ZNF462: variants seen among roughly 807,000 people sequenced by gnomAD.
The protein encoded by ZNF462 is zinc finger protein 462.
A neutral mutation model predicts 201.9 loss-of-function variants in ZNF462; 10 were observed. The ratio of observed to expected loss-of-function variants is 0.05; its 90% CI spans 0.03 to 0.08. The LOEUF (loss-of-function observed/expected upper bound fraction) is 0.08, where lower values mean the gene tolerates loss of function less well. Among genes scored for constraint, ZNF462 ranks in the 10% least tolerant of loss-of-function variants. The pLI is 1.00. For missense variants in ZNF462, 2,523 were observed against 3,168.3 expected (o/e 0.80, Z 4.89); for synonymous variants, 1,227 against 1,193.3 (o/e 1.03, Z -0.58).
chr9:106,863,310 G>A lies in ZNF462; in HGVS notation c.-76G>A. Reference sequence around the variant, plus strand: ...AGAGAAAGAGGATAAGGAGGCGGTGGGGCTGGAGAACCCGAAGCACCTCCC... The same window carrying A: ...AGAGAAAGAGGATAAGGAGGCGGTGAGGCTGGAGAACCCGAAGCACCTCCC... On this transcript the variant is annotated 5_prime_UTR_variant, in exon 1 of 13. It introduces an in-frame stop codon into an upstream open reading frame of the 5' UTR. Transcript: ENST00000277225. 1 of 398,584 alleles carries A rather than the reference G, an allele frequency of 2.5e-6. No homozygotes were observed. The highest frequency in any genetic ancestry group is 4.4e-6 in the Non-Finnish European group (1 of 225,952). 24.7% of individuals were successfully genotyped at this position (398,584 alleles called of 1,614,324 possible).
intron 1 of ZNF462, among the ~76,000 whole-genome samples, chr9:106,916,242 T>A (rs1189870725): frequency 6.6e-6 from 1 of 152,186 alleles, no homozygotes; most frequent in Non-Finnish European, 1.5e-5. Context: ...CTGAATCTTG[T>A]GAGGCACGAA....
At chr9:106,959,608 G>A (rs972649937) in intron 7 of ZNF462, among the ~76,000 whole-genome samples, 2 of 152,078 alleles carry the variant, frequency 1.3e-5, no homozygotes, top group Non-Finnish European at 2.9e-5. Flanking sequence ...AAAAGTTGCT[G>A]CAGACCTAGA....
At position 106,913,212 on chromosome 9, in the gene ZNF462, A is replaced by G. The variant is rs755131633; in HGVS notation, c.-30-10142A>G. ...TTGCCAGTGGAGACTTAGAATTACTAGTGTCTCAGTAGTCAGCTAACCACT... is the reference window on the plus strand; with the variant it reads ...TTGCCAGTGGAGACTTAGAATTACTGGTGTCTCAGTAGTCAGCTAACCACT... On this transcript the variant is annotated intron_variant, in intron 1 of 12. Transcript: ENST00000277225. The surrounding 1 kb of genome is among the most constrained non-coding windows in gnomAD (Gnocchi z 4.1). Among the ~76,000 whole-genome samples the G allele has an allele frequency of 2.0e-4, 30 of 152,232 alleles. No individual in the cohort carries two copies. Among genetic ancestry groups the G allele is most frequent in the Non-Finnish European group, 3.8e-4 (26 of 68,028 alleles).
At chr9:106,878,993 A>C (rs1827963276) in intron 1 of ZNF462, among the ~76,000 whole-genome samples, 1 of 152,154 alleles carries the variant, frequency 6.6e-6, no homozygotes, top group Non-Finnish European at 1.5e-5. Context: ...AGTAAAGTTT[A>C]ATGGTTTGGT....
At chr9:106,862,604 C>T (rs1827105634), upstream of ZNF462, among the ~76,000 whole-genome samples, 2 of 152,054 alleles carry the variant, frequency 1.3e-5, no homozygotes, top group African/African-American at 2.4e-5. The surrounding 1 kb of genome is among the most constrained non-coding windows in gnomAD (Gnocchi z 4.2). Flanking sequence ...ACCACCTCCT[C>T]CTCCTCTGCC....
intron 10 of ZNF462, among the ~76,000 whole-genome samples, chr9:106,988,705 C>T (rs978724556): frequency 2.0e-5 from 3 of 152,012 alleles, no homozygotes; most frequent in African/African-American, 4.8e-5. Context: ...GTGTCGTCTA[C>T]GATTTCTTTC....
rs1396872200 is a variant in ZNF462 at position 106,917,847 on chromosome 9, T to A, written c.-30-5507T>A. Among the ~76,000 whole-genome samples, 1 of 148,808 alleles carries A rather than the reference T, an allele frequency of 6.7e-6. No individual in the cohort carries two copies. The highest frequency in any genetic ancestry group is 1.5e-5 in the Non-Finnish European group (1 of 67,592). On this transcript the variant is annotated intron_variant, in intron 1 of 12. Transcript: ENST00000277225. The surrounding 1 kb of genome is among the most constrained non-coding windows in gnomAD (Gnocchi z 4.5). ...TTATTTTGCTGGTTTATTATTTTTTTATATTTATTTATTTATTTATTTATT... is the reference window on the plus strand; with the variant it reads ...TTATTTTGCTGGTTTATTATTTTTTAATATTTATTTATTTATTTATTTATT...
chr9:106,875,197 C>T (rs978519587), intron 1 of ZNF462, among the ~76,000 whole-genome samples: 18 of 152,084 alleles, frequency 1.2e-4, no homozygotes, highest in African/African-American at 4.3e-4. Flanking sequence ...ATCTTTCCCC[C>T]ATCTTAGTAG....
At position 107,010,066 on chromosome 9, in the gene ZNF462, C is replaced by T. The variant is rs1829837185; in HGVS notation, c.7313+398C>T. On this transcript the variant is annotated intron_variant, in intron 12 of 12. Transcript: ENST00000277225. This position sits in a 1 kb window ranked among gnomAD's most constrained non-coding sequence, Gnocchi z 4.6. ...TTCCCTGAGTGGCCCTGAACATTCC[C>T]ATGTACTGCCTCGGGGACAGAGCCA... Among the ~76,000 whole-genome samples, 1 of 152,142 alleles carries T rather than the reference C, an allele frequency of 6.6e-6. No individual in the cohort carries two copies. The highest frequency in any genetic ancestry group is 1.5e-5 in the Non-Finnish European group (1 of 68,012).
At chr9:106,951,601 T>C (rs1247987826) in intron 7 of ZNF462, among the ~76,000 whole-genome samples, 1 of 152,160 alleles carries the variant, frequency 6.6e-6, no homozygotes, top group Non-Finnish European at 1.5e-5. Flanking sequence ...AATAAAGTAC[T>C]GAGAGCAGCC....
At chr9:106,995,873 T>A in intron 10 of ZNF462, among the ~76,000 whole-genome samples, 1 of 152,200 alleles carries the variant, frequency 6.6e-6, no homozygotes, top group Non-Finnish European at 1.5e-5. Context: ...CGTGCAGGTT[T>A]GTCACATAGG....
chr9:106,962,629 A>G lies in ZNF462; in HGVS notation c.6428-9376A>G, dbSNP rs535887042. On this transcript the variant is annotated intron_variant, in intron 7 of 12. Coordinates refer to ENST00000277225, the MANE Select transcript of ZNF462 (RefSeq NM_021224.6). The surrounding 1 kb of genome is among the most constrained non-coding windows in gnomAD (Gnocchi z 4.6). ...CCATGTTTGTATCATTTTGCAGGCT[A>G]ATATTTTGTTTTGTTTTGTTTTCTC... Among the ~76,000 whole-genome samples, 39 of 152,020 alleles carry G rather than the reference A, an allele frequency of 2.6e-4. No individual in the cohort carries two copies. The highest frequency in any genetic ancestry group is 2.8e-4 in the Non-Finnish European group (19 of 67,992).
chr9:106,946,314 G>A (rs569946700), intron 7 of ZNF462, among the ~76,000 whole-genome samples: 44 of 152,258 alleles, frequency 2.9e-4, no homozygotes, highest in African/African-American at 1.1e-3. Context: ...AAATATGTCA[G>A]TCATTAGCTG....
chr9:106,914,493 T>C (rs114725967), intron 1 of ZNF462, among the ~76,000 whole-genome samples: 2,359 of 152,334 alleles, frequency 0.015, 67 homozygotes, highest in African/African-American at 0.051. Context: ...ACTACTGCTT[T>C]ATGACAACAC....
rs1829796331 is a variant in ZNF462 at position 107,009,505 on chromosome 9, C to T, written c.7190-40C>T. ...TGCTGACTTACCTATTCTGCTGATT[C>T]CCACAGCACACAGGTAACACTTCTG... is the stretch of plus-strand genomic sequence containing the variant. On this transcript the variant is annotated intron_variant, in intron 11 of 12. Transcript: ENST00000277225. The surrounding 1 kb of genome is among the most constrained non-coding windows in gnomAD (Gnocchi z 6.1). The T allele has an allele frequency of 1.2e-6, 2 of 1,611,592 alleles. No homozygotes were observed. The highest frequency in any genetic ancestry group is 2.2e-5 in the East Asian group (1 of 44,752).
chr9:106,924,109 A>G lies in ZNF462; in HGVS notation c.221-24A>G, dbSNP rs1449020964. 1 of 1,551,662 alleles carries G rather than the reference A, an allele frequency of 6.4e-7. No homozygotes were observed. Among genetic ancestry groups the G allele is most frequent in the Non-Finnish European group, 8.7e-7 (1 of 1,147,754 alleles). ...TATTTTAATTATCTTTTGCTTTGTC[A>G]CTTTCCTTATGCTTTTTCTTTAGGT... On this transcript the variant is annotated intron_variant, in intron 2 of 12. Transcript: ENST00000277225. This position sits in a 1 kb window ranked among gnomAD's most constrained non-coding sequence, Gnocchi z 6.2.
In ZNF462 at chr9:107,010,756, T is replaced by C; in HGVS notation, c.7314-67T>C. On this transcript the variant is annotated intron_variant, in intron 12 of 12. Coordinates refer to ENST00000277225, the MANE Select transcript of ZNF462 (RefSeq NM_021224.6). The surrounding 1 kb of genome is among the most constrained non-coding windows in gnomAD (Gnocchi z 4.6). The stretch of plus-strand genomic sequence containing the variant: ...TAAAGACACTCGAGGGTTTTTATTA[T>C]TTTTTTGTTTAAAAAGAGAAATATA... 2 of 1,406,210 alleles carry C rather than the reference T, an allele frequency of 1.4e-6. No individual in the cohort carries two copies. Among genetic ancestry groups the C allele is most frequent in the Non-Finnish European group, 1.9e-6 (2 of 1,053,200 alleles). 87.1% of individuals were successfully genotyped at this position (1,406,210 alleles called of 1,614,324 possible).
At position 107,010,499 on chromosome 9, in the gene ZNF462, A is replaced by G. The variant is rs1829872230; in HGVS notation, c.7314-324A>G. Among the ~76,000 whole-genome samples the G allele has an allele frequency of 1.3e-5, 2 of 152,190 alleles. No homozygotes were observed. Among genetic ancestry groups the G allele is most frequent in the African/African-American group, 4.8e-5 (2 of 41,448 alleles). ...GCATAAGACAATTCTTGCTGTTACCACTTATGACCCAGTAGAGAAAGTGAC... is the reference window on the plus strand; with the variant it reads ...GCATAAGACAATTCTTGCTGTTACCGCTTATGACCCAGTAGAGAAAGTGAC... On this transcript the variant is annotated intron_variant, in intron 12 of 12. Transcript: ENST00000277225. This position sits in a 1 kb window ranked among gnomAD's most constrained non-coding sequence, Gnocchi z 4.6.
chr9:106,983,448 T>G (rs1160995906), intron 9 of ZNF462, among the ~76,000 whole-genome samples: 1 of 152,200 alleles, frequency 6.6e-6, no homozygotes, highest in East Asian at 1.9e-4. Context: ...GTGTACAGGT[T>G]TGCTTTCAGA....
Sources: allele counts gnomAD v4.1 joint callset (sites outside exome capture counted in the v4.1 genomes callset), GRCh38; gene constraint gnomAD v4.1.1; non-coding constraint Gnocchi (gnomAD v3.1); transcripts MANE v1.5; gene names NCBI Gene and HGNC (gene_info 2026-07-23, HGNC 2026-07-21).